The following PYROXD2 variants were observed in gnomAD, a reference collection of about 807,000 sequenced individuals.
PYROXD2 encodes pyridine nucleotide-disulfide oxidoreductase domain-containing protein 2.
A neutral mutation model predicts 71.1 loss-of-function variants in PYROXD2; 69 were observed. The ratio of observed to expected loss-of-function variants is 0.97; its 90% CI spans 0.80 to 1.19. PYROXD2 has a LOEUF of 1.19. Among genes scored for constraint, PYROXD2 ranks in the 50% most tolerant of loss-of-function variants. The pLI, the probability that PYROXD2 is intolerant of heterozygous loss-of-function variation, is 0.00. For synonymous variants in PYROXD2, 287 were observed against 302.7 expected, an observed-to-expected ratio of 0.95 and a Z score of 0.54; for missense variants, 745 against 748.9, an observed-to-expected ratio of 0.99 and a Z score of 0.06.
At chr10:98,387,366 G>A in intron 13 of PYROXD2, 59 bp from the exon 14 acceptor site, 2 of 1,256,888 alleles carry the variant, frequency 1.6e-6, no homozygotes, top group Non-Finnish European at 2.3e-6. Context: ...GGCACTATGG[G>A]TGTACAACTT....
At chr10:98,385,454 C>T (rs1842719832) in intron 14 of PYROXD2, among the ~76,000 whole-genome samples, 1 of 152,246 alleles carries the variant, frequency 6.6e-6, no homozygotes, top group Admixed American at 6.5e-5. Context: ...AGCCCGGACC[C>T]CGGTGTCCAA....
rs148623034 is a variant in PYROXD2 at position 98,395,205 on chromosome 10, G to A, written c.776C>T (p.Pro259Leu). ...CACCCCCCTCACTCACCCACTCCCC[G>A]GAGTGTGGGGACTTGTCATGGCTCC... ...VIGAMTSPHT[P>L]GSGYVLLHHV... Residue 259 changes from proline (P) to leucine (L), a missense_variant, in exon 8 of 16, where the codon CCG becomes CTG. Physicochemically the swap from Pro to Leu is moderately conservative, Grantham distance 98. Coordinates refer to ENST00000370575, the MANE Select transcript of PYROXD2 (RefSeq NM_032709.3). 8.2e-5 allele frequency: 133 copies of A among 1,613,516 alleles called. No individual in the cohort carries two copies. The Middle Eastern group carries it at 8.3e-4, about 10-fold the overall frequency.
intron 12 of PYROXD2, among the ~76,000 whole-genome samples, chr10:98,389,793 T>C (rs1401150313): frequency 6.6e-6 from 1 of 152,238 alleles, no homozygotes; most frequent in African/African-American, 2.4e-5. Context: ...GTTGATTGTC[T>C]TCCTCTCATG....
intron 13 of PYROXD2, among the ~76,000 whole-genome samples, 200 bp from the exon 14 acceptor site, chr10:98,387,507 TGGGTAG>T (rs1213081946): frequency 6.6e-6 from 1 of 152,202 alleles, no homozygotes; most frequent in Non-Finnish European, 1.5e-5. Flanking sequence ...CAAAGATGCA[TGGGTAG>T]GCCAGTCCAG....
intron 15 of PYROXD2, 102 bp from the exon 16 acceptor site, chr10:98,383,970 C>A: frequency 9.6e-7 from 1 of 1,040,798 alleles, no homozygotes; most frequent in South Asian, 1.3e-5. Flanking sequence ...CAGAGTGGGG[C>A]TGGTTAGAGG....
At chr10:98,392,318 G>T in intron 10 of PYROXD2, 114 bp downstream of exon 10, 1 of 1,503,152 alleles carries the variant, frequency 6.7e-7, no homozygotes, top group Admixed American at 2.0e-5. Context: ...CAAATGCAGA[G>T]ACTTGGCTTT....
intron 14 of PYROXD2, among the ~76,000 whole-genome samples, chr10:98,385,814 T>C (rs1355089933): frequency 1.3e-5 from 2 of 152,182 alleles, no homozygotes; most frequent in Non-Finnish European, 2.9e-5. Context: ...ATGTGCACAC[T>C]GTCACCAAGG....
intron 12 of PYROXD2, 71 bp downstream of exon 12, chr10:98,390,527 T>G (rs902538008): frequency 4.8e-6 from 7 of 1,463,784 alleles, no homozygotes; most frequent in African/African-American, 1.4e-5. Context: ...CTGCTGTGGG[T>G]GGCATGGACA....
intron 12 of PYROXD2, among the ~76,000 whole-genome samples, chr10:98,389,300 A>G (rs1181179114): frequency 6.6e-6 from 1 of 151,876 alleles, no homozygotes. Flanking sequence ...CTTCACCTTC[A>G]AAACATACCC....
intron 2 of PYROXD2, 130 bp downstream of exon 2, chr10:98,410,809 C>A: frequency 4.4e-6 from 6 of 1,368,288 alleles, no homozygotes; most frequent in Non-Finnish European, 6.0e-6. Flanking sequence ...GAGCAGAGAG[C>A]ATCGACTAGG....
intron 4 of PYROXD2, among the ~76,000 whole-genome samples, chr10:98,401,282 ATAGAAAAGGTACATT>A (rs1485989189): frequency 9.5e-4 from 139 of 146,534 alleles, no homozygotes; most frequent in African/African-American, 3.3e-3. Flanking sequence ...AAAAACAAAC[ATAGAAAAGGTACATT>A]AAGAATATGG....
Position 98,383,877 on chromosome 10 carries a change from G to T in PYROXD2, c.1676-9C>A, listed in dbSNP as rs200694244. 69 of 1,612,138 alleles carry T rather than the reference G, an allele frequency of 4.3e-5. No homozygotes were observed. Among genetic ancestry groups the T allele is most frequent in the Non-Finnish European group, 1.7e-6 (2 of 1,178,732 alleles). On this transcript the variant is annotated splice_polypyrimidine_tract_variant and intron_variant, in intron 15 of 15. Transcript: ENST00000370575. ...TCCCATCACACCTCCTCCTGGAAGG[G>T]AATCTCCTATGAACCAAAGCTCCGC...
chr10:98,404,262 A>G (rs111762933), intron 4 of PYROXD2, among the ~76,000 whole-genome samples: 96 of 152,300 alleles, frequency 6.3e-4, no homozygotes, highest in Non-Finnish European at 1.1e-3. Flanking sequence ...TAACCAATCC[A>G]GCTGTTTCTG....
At position 98,387,193 on chromosome 10, in the gene PYROXD2, A is replaced by G. The variant is rs962927645; in HGVS notation, c.1554+8T>C. The G allele has an allele frequency of 6.2e-7, 1 of 1,609,960 alleles. No individual in the cohort carries two copies. The highest frequency in any genetic ancestry group is 8.5e-7 in the Non-Finnish European group (1 of 1,176,380). ...CTATGGTGAGAGACCCCCTAGGCTT[A>G]TACATACCCCTCCAGGAAGCCCGAA... On this transcript the variant is annotated splice_region_variant and intron_variant, in intron 14 of 15. Coordinates refer to ENST00000370575, the MANE Select transcript of PYROXD2 (RefSeq NM_032709.3).
At chr10:98,394,314 T>C (rs1590946621) in intron 8 of PYROXD2, among the ~76,000 whole-genome samples, 1 of 152,172 alleles carries the variant, frequency 6.6e-6, no homozygotes, top group East Asian at 1.9e-4. Flanking sequence ...AAGATCCAGA[T>C]TGGCTGGTAG....
At chr10:98,402,002 CTGTATATAA>C (rs1189518317) in intron 4 of PYROXD2, among the ~76,000 whole-genome samples, 4 of 152,228 alleles carry the variant, frequency 2.6e-5, no homozygotes, top group African/African-American at 9.7e-5. Flanking sequence ...GTATTATGTA[CTGTATATAA>C]TTATATGTAC....
At chr10:98,410,160 G>A (rs1169820532) in intron 2 of PYROXD2, among the ~76,000 whole-genome samples, 1 of 152,208 alleles carries the variant, frequency 6.6e-6, no homozygotes, top group Non-Finnish European at 1.5e-5. Context: ...CACGTAAAAT[G>A]TTCAAGTAAA....
Position 98,383,694 on chromosome 10 carries a change from G to T in PYROXD2, c.*104C>A. On this transcript the variant is annotated 3_prime_UTR_variant, in exon 16 of 16. Transcript: ENST00000370575. Reference sequence around the variant, plus strand: ...AAATAATTTCTTGAGCATTGTGGTGGCCTTATGTACTAACCCGAAGCTGAA... The same window carrying T: ...AAATAATTTCTTGAGCATTGTGGTGTCCTTATGTACTAACCCGAAGCTGAA... The T allele has an allele frequency of 1.1e-6, 1 of 880,736 alleles. No individual in the cohort carries two copies. The highest frequency in any genetic ancestry group is 1.9e-6 in the Non-Finnish European group (1 of 523,250). 54.6% of individuals were successfully genotyped at this position (880,736 alleles called of 1,614,324 possible). A position where few individuals can be genotyped will look rare whatever the true frequency, so the allele number is the denominator to read the frequency against.
rs1268084162 is a variant in PYROXD2 at position 98,390,624 on chromosome 10, A to G, written c.1266T>C (p.Asp422=). ...TGTGGGAAGGCAGGCCATCCATGGC[A>G]TCTTCAAAGGCCTGATGAAGGAGGA... ...DTLLLHQAFE[D]AMDGLPSHRP... The change falls in exon 12 of 16, where the codon GAT becomes GAC. Residue 422 remains aspartate (D), a synonymous_variant. Transcript: ENST00000370575. 3.1e-6 allele frequency: 5 copies of G among 1,604,206 alleles called. No individual in the cohort carries two copies. Among genetic ancestry groups the G allele is most frequent in the Non-Finnish European group, 4.3e-6 (5 of 1,174,692 alleles).
Sources: allele counts gnomAD v4.1 joint callset (sites outside exome capture counted in the v4.1 genomes callset), GRCh38; gene constraint gnomAD v4.1.1; transcripts MANE v1.5; gene names NCBI Gene and HGNC (gene_info 2026-07-23, HGNC 2026-07-21).